Variants in CARMIL1 observed in about 807,000 individuals in gnomAD.
CARMIL1 encodes capping protein regulator and myosin 1 linker 1, also known as F-actin-uncapping protein LRRC16A.
CARMIL1 carries 90 observed loss-of-function variants against 177.1 expected under a neutral mutation model. The observed-to-expected ratio is 0.51, with a 90% CI of 0.43 to 0.61. CARMIL1 has a LOEUF of 0.61. CARMIL1 is among the 20% of genes least tolerant of loss of function. CARMIL1 has a pLI of 0.00. For missense variants in CARMIL1, 1,380 were observed against 1,667.0 expected (o/e 0.83, Z 3.00); for synonymous variants, 577 against 606.2 (o/e 0.95, Z 0.71).
At chr6:25,436,446 A>T (rs950723506) in intron 5 of CARMIL1, among the ~76,000 whole-genome samples, 1 of 152,122 alleles carries the variant, frequency 6.6e-6, no homozygotes, top group African/African-American at 2.4e-5. Flanking sequence ...TGCGTGGTGG[A>T]GGTGGGAGGG....
In CARMIL1 at chr6:25,485,447, G is replaced by T. The variant is rs144625068; in HGVS notation, c.962-3035G>T. Among the ~76,000 whole-genome samples the T allele has an allele frequency of 2.6e-5, 4 of 152,250 alleles. No individual in the cohort carries two copies. In the East Asian group the frequency reaches 7.7e-4, roughly 29 times the overall value. ...TTTTATTTTATTTAGACGGAGTCTC[G>T]CTCTGTCGCTCGGGCTGGAGTGCAG... On this transcript the variant is annotated intron_variant, in intron 12 of 36. Coordinates refer to ENST00000329474, the MANE Select transcript of CARMIL1 (RefSeq NM_017640.6).
intron 2 of CARMIL1, among the ~76,000 whole-genome samples, chr6:25,388,811 G>C (rs1792446411): frequency 6.6e-6 from 1 of 151,990 alleles, no homozygotes; most frequent in Non-Finnish European, 1.5e-5. Flanking sequence ...TAGCAGCTGG[G>C]ACTATAGGCA....
intron 36 of CARMIL1, chr6:25,612,899 G>C (rs556162430): frequency 1.0e-6 from 1 of 985,298 alleles, no homozygotes; most frequent in African/African-American, 1.7e-5. Flanking sequence ...TAGAGCCTTC[G>C]ATTATCATCC....
chr6:25,353,100 G>A (rs555593404), intron 2 of CARMIL1, among the ~76,000 whole-genome samples: 15 of 152,262 alleles, frequency 9.9e-5, no homozygotes, highest in African/African-American at 2.6e-4. Flanking sequence ...GTCCTGCTCA[G>A]GATATGACAG....
intron 2 of CARMIL1, among the ~76,000 whole-genome samples, chr6:25,370,844 C>T (rs1009861750): frequency 3.9e-5 from 6 of 152,020 alleles, no homozygotes; most frequent in East Asian, 3.9e-4. Context: ...GTGAAGTCTG[C>T]GATTTTAGTG....
intron 8 of CARMIL1, chr6:25,451,989 C>CT: frequency 1.5e-5 from 1 of 66,836 alleles, no homozygotes. Context: ...GCATCTTGCC[C>CT]CCCCCTCCCC....
chr6:25,566,497 C>T (rs1000767920), intron 29 of CARMIL1, among the ~76,000 whole-genome samples: 6 of 152,258 alleles, frequency 3.9e-5, no homozygotes, highest in African/African-American at 1.4e-4. Context: ...GTTTAGGTCA[C>T]AATTCCAGTG....
chr6:25,581,481 TTTC>T lies in CARMIL1; in HGVS notation c.3006+47_3006+49del, dbSNP rs543349186. On this transcript the variant is annotated intron_variant, in intron 31 of 36. Coordinates refer to ENST00000329474, the MANE Select transcript of CARMIL1 (RefSeq NM_017640.6). ...AGAGGCCCCATCTCTCCCACACCCT[TTTC>T]TTCTCTGGGGAAAGTTGGAGGGTCT... 75 of 1,531,048 alleles carry T rather than the reference TTTC, an allele frequency of 4.9e-5. 1 individual carries two copies. The South Asian group carries it at 7.3e-4, about 15-fold the overall frequency. 94.8% of individuals were successfully genotyped at this position (1,531,048 alleles called of 1,614,324 possible). A position where few individuals can be genotyped will look rare whatever the true frequency, so the allele number is the denominator to read the frequency against.
At chr6:25,389,517 A>C (rs1271538251) in intron 2 of CARMIL1, among the ~76,000 whole-genome samples, 2 of 152,176 alleles carry the variant, frequency 1.3e-5, no homozygotes, top group African/African-American at 4.8e-5. Flanking sequence ...TTTTAGGCAG[A>C]TTGGAAGGTG....
intron 2 of CARMIL1, among the ~76,000 whole-genome samples, chr6:25,378,048 C>T (rs1027968833): frequency 6.6e-6 from 1 of 152,116 alleles, no homozygotes; most frequent in African/African-American, 2.4e-5. Context: ...CTCTAGCTCT[C>T]CATATGTGGG....
chr6:25,497,107 C>T (rs901316164), intron 16 of CARMIL1, among the ~76,000 whole-genome samples: 1 of 152,126 alleles, frequency 6.6e-6, no homozygotes, highest in Non-Finnish European at 1.5e-5. Flanking sequence ...AGAAAGCCTT[C>T]ATGGCTGAAG....
At chr6:25,612,998 C>A in intron 36 of CARMIL1, 1 of 647,340 alleles carries the variant, frequency 1.5e-6, no homozygotes. Flanking sequence ...AGGGATTAGT[C>A]ATACAAGAGA....
chr6:25,572,194 T>C (rs897701397), intron 29 of CARMIL1, among the ~76,000 whole-genome samples: 2 of 152,264 alleles, frequency 1.3e-5, no homozygotes, highest in African/African-American at 2.4e-5. Flanking sequence ...TTTTTTTTTC[T>C]GTGTTTGTGT....
chr6:25,316,059 A>G (rs1485189001), intron 2 of CARMIL1, among the ~76,000 whole-genome samples: 2 of 152,240 alleles, frequency 1.3e-5, no homozygotes, highest in Admixed American at 6.5e-5. Context: ...CTTCAGTGCC[A>G]TTATTAGTAA....
At chr6:25,280,639 T>C (rs1781014731) in intron 1 of CARMIL1, among the ~76,000 whole-genome samples, 1 of 151,886 alleles carries the variant, frequency 6.6e-6, no homozygotes, top group Admixed American at 6.6e-5. Flanking sequence ...TCTTGGGGTT[T>C]AACTTAATTA....
At chr6:25,360,081 C>G (rs1789030732) in intron 2 of CARMIL1, among the ~76,000 whole-genome samples, 1 of 152,128 alleles carries the variant, frequency 6.6e-6, no homozygotes, top group Non-Finnish European at 1.5e-5. Context: ...CATCATTCAG[C>G]CTCCCGGAGG....
chr6:25,368,802 G>T (rs16890477), intron 2 of CARMIL1, among the ~76,000 whole-genome samples: 3,198 of 152,128 alleles, frequency 0.021, 84 homozygotes, highest in African/African-American at 0.07. Flanking sequence ...GTGATAAATG[G>T]CCTCATGTAT....
rs9885914 is a variant in CARMIL1 at position 25,600,544 on chromosome 6, A to G, written c.3350A>G (p.Asn1117Ser). ...AAGGACACAAAGGCCGCCGAGCACA[A>G]TGGCAATTCTGAACGGATAGAGGAG... is the stretch of plus-strand genomic sequence containing the variant. The part of the protein sequence containing the change: ...PRKDTKAAEH[N>S]GNSERIEEIK... Residue 1117 changes from asparagine (N) to serine (S), a missense_variant, in exon 33 of 37, where the codon AAT (asparagine) becomes AGT (serine). Transcript: ENST00000329474. 6.4e-3 allele frequency: 10,340 copies of G among 1,613,992 alleles called. 210 individuals are homozygous for G. In the African/African-American group the frequency reaches 0.067, roughly 11 times the overall value.
intron 13 of CARMIL1, among the ~76,000 whole-genome samples, chr6:25,489,130 A>G (rs1802951418): frequency 1.3e-5 from 2 of 151,358 alleles, no homozygotes; most frequent in African/African-American, 4.9e-5. Context: ...ACACCACTGC[A>G]CTCCAGCCTG....
Sources: gnomAD v4.1 joint callset for allele counts (sites outside exome capture counted in the v4.1 genomes callset) on GRCh38, gnomAD v4.1.1 for gene constraint, MANE v1.5 for transcripts, NCBI Gene and HGNC (gene_info 2026-07-23, HGNC 2026-07-21) for gene names.